KIF26A: variants seen among roughly 807,000 people sequenced by gnomAD.
KIF26A encodes kinesin-like protein KIF26A.
KIF26A carries 74 observed loss-of-function variants against 126.0 expected under a neutral mutation model. That is an observed-to-expected ratio of 0.59 (90% CI 0.49 to 0.71). The LOEUF (loss-of-function observed/expected upper bound fraction) is 0.71. Ranked by LOEUF, KIF26A falls within the 30% of genes least tolerant of loss-of-function variation. The probability of loss-of-function intolerance (pLI) is 0.00; values close to 1 mark genes in which losing one functional copy is unlikely to be tolerated. For synonymous variants in KIF26A, 1,445 were observed against 1,232.7 expected (o/e 1.17, Z -3.61); for missense variants, 2,984 against 2,763.3 (o/e 1.08, Z -1.79).
chr14:104,172,507 G>C lies in KIF26A; in HGVS notation c.1327-68G>C, dbSNP rs938068835. ...CTGCCTGCATGTGCCAGGACAGACC[G>C]GCCTCAGGCCCACAGACGTGGCAGA... On this transcript the variant is annotated intron_variant, in intron 6 of 14. Coordinates refer to ENST00000423312, the MANE Select transcript of KIF26A (RefSeq NM_015656.2). 10 of 1,202,754 alleles carry C rather than the reference G, an allele frequency of 8.3e-6. No homozygotes were observed. In the African/African-American group the frequency reaches 1.4e-4, roughly 16 times the overall value. The allele number at this position is 1,202,754 out of a possible 1,614,324, so 74.5% of individuals were successfully genotyped here. A position where few individuals can be genotyped will look rare whatever the true frequency, so the allele number is the denominator to read the frequency against.
chr14:104,167,095 C>T (rs559265223), intron 5 of KIF26A, 47 bp downstream of exon 5: 74 of 1,449,150 alleles, frequency 5.1e-5, no homozygotes, highest in Admixed American at 4.5e-4. Flanking sequence ...AGGCCAGAGG[C>T]GTCTGAGAAG....
chr14:104,156,084 C>A (rs1004291538), intron 3 of KIF26A, among the ~76,000 whole-genome samples: 2 of 152,072 alleles, frequency 1.3e-5, no homozygotes, highest in African/African-American at 2.4e-5. Context: ...GCGGCCCCGG[C>A]CCCCAGGAGA....
Position 104,176,351 on chromosome 14 carries a change from C to A in KIF26A, c.3563C>A (p.Pro1188His). The A allele has an allele frequency of 6.3e-7, 1 of 1,582,490 alleles. No individual in the cohort carries two copies. The highest frequency in any genetic ancestry group is 8.6e-7 in the Non-Finnish European group (1 of 1,161,208). ...GTGGCTGCAGTGGCCCCATCCCGAC[C>A]CGGCAGGGAGCCCCAGGCCGGGCCC... is the stretch of plus-strand genomic sequence containing the variant. ...GEVAAVAPSR[P>H]GREPQAGPSR... The change falls in exon 12 of 15, where the codon CCC becomes CAC. Residue 1188 changes from proline (P) to histidine (H), a missense_variant. Physicochemically the swap from Pro to His is moderately conservative, Grantham distance 77. Transcript: ENST00000423312.
At position 104,155,582 on chromosome 14, in the gene KIF26A, C is replaced by T. The variant is rs1596137015; in HGVS notation, c.736-2173C>T. 2.6e-5 allele frequency among the ~76,000 whole-genome samples: 4 copies of T among 151,970 alleles called. 2 individuals are homozygous for T. The Middle Eastern group carries it at 0.014, about 520-fold the overall frequency. On this transcript the variant is annotated intron_variant, in intron 3 of 14. Transcript: ENST00000423312. Reference sequence around the variant, plus strand: ...GTGTTGTGGTCTTCCCTCTCGCCGTCCTCCCCTGCCCCCGGCTCTCGCTTT... The same window carrying T: ...GTGTTGTGGTCTTCCCTCTCGCCGTTCTCCCCTGCCCCCGGCTCTCGCTTT...
At chr14:104,172,479 C>A in intron 6 of KIF26A, 96 bp from the exon 7 acceptor site, 1 of 793,072 alleles carries the variant, frequency 1.3e-6, no homozygotes. Flanking sequence ...CCTTGTGGGT[C>A]GACTGCCTGC....
rs1207406253 is a variant in KIF26A at position 104,179,860 on chromosome 14, TGTG to T, written c.*75_*77del. The stretch of plus-strand genomic sequence containing the variant: ...GACGGGACGTGGGACGGAGCGAGGA[TGTG>T]GTGGGGGCTGCGGGGGGAGGATGCG... On this transcript the variant is annotated 3_prime_UTR_variant, in exon 15 of 15. Transcript: ENST00000423312. The T allele has an allele frequency of 7.4e-7, 1 of 1,355,876 alleles. No individual in the cohort carries two copies. Among genetic ancestry groups the T allele is most frequent in the South Asian group, 1.6e-5 (1 of 64,340 alleles). The allele number at this position is 1,355,876 out of a possible 1,614,324, so 84.0% of individuals were successfully genotyped here.
Position 104,151,697 on chromosome 14 carries a change from G to A in KIF26A, c.289-318G>A, listed in dbSNP as rs2037730891. ...CCAGTCTCCTGCGTGTCCCCGGCCA[G>A]GCGGCCTTAGCTGACAGTGGTCCGG... On this transcript the variant is annotated intron_variant, in intron 2 of 14. Coordinates refer to ENST00000423312, the MANE Select transcript of KIF26A (RefSeq NM_015656.2). The surrounding 1 kb of genome is among the most constrained non-coding windows in gnomAD (Gnocchi z 4.9). 6.6e-6 allele frequency among the ~76,000 whole-genome samples: 1 copy of A among 152,240 alleles called. No homozygotes were observed. Among genetic ancestry groups the A allele is most frequent in the Non-Finnish European group, 1.5e-5 (1 of 68,042 alleles).
At position 104,176,293 on chromosome 14, in the gene KIF26A, C is replaced by G. The variant is rs762384381; in HGVS notation, c.3505C>G (p.Pro1169Ala). 5.1e-6 allele frequency: 8 copies of G among 1,583,706 alleles called. No homozygotes were observed. The highest frequency in any genetic ancestry group is 6.9e-6 in the Non-Finnish European group (8 of 1,162,352). Residue 1169 changes from proline (P) to alanine (A), a missense_variant, in exon 12 of 15, where the codon CCT (proline) becomes GCT (alanine). Pro to Ala is a conservative substitution (Grantham distance 27, BLOSUM62 -1). Coordinates refer to ENST00000423312, the MANE Select transcript of KIF26A (RefSeq NM_015656.2). ...GFLGPDRPDS[P>A]GPTWGPCPGE... Reference sequence around the variant, plus strand: ...CCTGGGGCCAGACAGACCTGACAGTCCTGGGCCAACCTGGGGTCCGTGCCC... The same window carrying G: ...CCTGGGGCCAGACAGACCTGACAGTGCTGGGCCAACCTGGGGTCCGTGCCC...
At chr14:104,169,179 G>A (rs1320153206) in intron 5 of KIF26A, among the ~76,000 whole-genome samples, 1 of 152,208 alleles carries the variant, frequency 6.6e-6, no homozygotes, top group East Asian at 1.9e-4. Flanking sequence ...GAGCTGTGCC[G>A]AGAGCTCAGG....
At chr14:104,162,094 T>A (rs1371142902) in intron 4 of KIF26A, among the ~76,000 whole-genome samples, 1 of 152,168 alleles carries the variant, frequency 6.6e-6, no homozygotes, top group Non-Finnish European at 1.5e-5. Context: ...GGGCCTGAAT[T>A]TCATCAAAGG....
intron 6 of KIF26A, among the ~76,000 whole-genome samples, 173 bp from the exon 7 acceptor site, chr14:104,172,402 A>T (rs1258058897): frequency 2.6e-5 from 4 of 152,112 alleles, no homozygotes; most frequent in Non-Finnish European, 5.9e-5. Flanking sequence ...GGTCCTGTTC[A>T]TGTGTGTTCT....
intron 3 of KIF26A, among the ~76,000 whole-genome samples, chr14:104,156,224 G>A (rs1336247767): frequency 6.6e-6 from 1 of 152,220 alleles, no homozygotes; most frequent in South Asian, 2.1e-4. Context: ...CAGCAAAGGA[G>A]TTTAGGCTTT....
intron 2 of KIF26A, among the ~76,000 whole-genome samples, chr14:104,143,051 A>G (rs945871641): frequency 2.0e-5 from 3 of 152,020 alleles, no homozygotes; most frequent in African/African-American, 7.3e-5. Flanking sequence ...TGAGGTGTTG[A>G]CTCCTCCTGA....
chr14:104,154,916 T>G (rs2037762732), intron 3 of KIF26A, among the ~76,000 whole-genome samples: 1 of 152,280 alleles, frequency 6.6e-6, no homozygotes, highest in South Asian at 2.1e-4. Context: ...GCCACCGCTG[T>G]GCTGGGCTGC....
At chr14:104,166,182 G>GCA (rs199702088) in intron 4 of KIF26A, among the ~76,000 whole-genome samples, 1 of 150,766 alleles carries the variant, frequency 6.6e-6, no homozygotes, top group African/African-American at 2.5e-5. Context: ...AGGGTGGCAG[G>GCA]GGCCCAGGAG....
chr14:104,153,012 A>G (rs567145352), intron 3 of KIF26A, among the ~76,000 whole-genome samples: 1 of 152,248 alleles, frequency 6.6e-6, no homozygotes, highest in African/African-American at 2.4e-5. Flanking sequence ...GTCACCACAC[A>G]GCGACCAGCA....
rs1018649375 is a variant in KIF26A, at chr14:104,179,632, C to A, written c.5491C>A (p.Pro1831Thr). The change falls in exon 15 of 15, where the codon CCC becomes ACC. Residue 1831 changes from proline to threonine, a missense_variant. Transcript: ENST00000423312. The stretch of plus-strand genomic sequence containing the variant: ...AGTTGAGGTGGACCCGGAGCTGGAG[C>A]CCGAGTCGGCCGAGTACCTGGCGGC... Reference protein sequence around the residue: ...EQFEVDPELEPESAEYLAALE... With the variant: ...EQFEVDPELETESAEYLAALE... 6.5e-7 allele frequency: 1 copy of A among 1,539,340 alleles called. No homozygotes were observed. Among genetic ancestry groups the A allele is most frequent in the East Asian group, 2.5e-5 (1 of 40,668 alleles).
At position 104,177,078 on chromosome 14, in the gene KIF26A, C is replaced by G. The variant is rs1488039972; in HGVS notation, c.4290C>G (p.His1430Gln). The G allele has an allele frequency of 3.1e-6, 5 of 1,594,720 alleles. No homozygotes were observed. In the African/African-American group the frequency reaches 6.7e-5, roughly 21 times the overall value. The change falls in exon 12 of 15, where the codon CAC becomes CAG. Residue 1430 changes from histidine (H) to glutamine (Q), a missense_variant. Coordinates refer to ENST00000423312, the MANE Select transcript of KIF26A (RefSeq NM_015656.2). ...KARASKVEAA[H>Q]RLAGHASLER... ...GGGCCAGCAAGGTAGAAGCAGCACA[C>G]CGTCTTGCCGGACACGCGTCTCTGG...
At position 104,158,592 on chromosome 14, in the gene KIF26A, G is replaced by A. The variant is rs891159007; in HGVS notation, c.923+650G>A. On this transcript the variant is annotated intron_variant, in intron 4 of 14. Coordinates refer to ENST00000423312, the MANE Select transcript of KIF26A (RefSeq NM_015656.2). The stretch of plus-strand genomic sequence containing the variant: ...TCACTTGGTTGCTTTCCCAGGCCCC[G>A]AGCTCGGGGTGCCTGGTTTCTCTGC... Among the ~76,000 whole-genome samples the A allele has an allele frequency of 7.9e-5, 12 of 152,312 alleles. No individual in the cohort carries two copies. In the East Asian group the frequency reaches 9.7e-4, roughly 12 times the overall value.
Sources: allele counts gnomAD v4.1 joint callset (sites outside exome capture counted in the v4.1 genomes callset), GRCh38; gene constraint gnomAD v4.1.1; non-coding constraint Gnocchi (gnomAD v3.1); transcripts MANE v1.5; gene names NCBI Gene and HGNC (gene_info 2026-07-23, HGNC 2026-07-21).